The following SLC6A16 variants were observed in gnomAD, a reference collection of about 807,000 sequenced individuals.
SLC6A16 encodes the protein solute carrier family 6 member 16, also known as orphan sodium- and chloride-dependent neurotransmitter transporter NTT5.
In SLC6A16, 54 loss-of-function variants were observed where a neutral mutation model predicts 65.4. That is an observed-to-expected ratio of 0.83 (90% CI 0.66 to 1.04). SLC6A16 has a LOEUF of 1.04. Among genes scored for constraint, SLC6A16 ranks in the 50% least tolerant of loss-of-function variants. The pLI is 0.00. For synonymous variants in SLC6A16, 330 were observed against 346.5 expected (o/e 0.95, Z 0.53); for missense variants, 816 against 914.0 (o/e 0.89, Z 1.38).
intron 5 of SLC6A16, 93 bp from the exon 6 acceptor site, chr19:49,309,504 A>G: frequency 3.1e-6 from 4 of 1,269,928 alleles, no homozygotes; most frequent in Admixed American, 1.9e-5. Flanking sequence ...AGAAATGAGT[A>G]GGAGTTAGAA....
At chr19:49,327,079 ATT>A (rs200482962), upstream of SLC6A16, among the ~76,000 whole-genome samples, 3 of 145,012 alleles carry the variant, frequency 2.1e-5, no homozygotes, top group African/African-American at 2.5e-5. Flanking sequence ...TTTCTATCGA[ATT>A]TTTTTTTTTT....
At chr19:49,338,966 C>A in the SLC6A16 span, 2 of 1,548,632 alleles carry the variant, frequency 1.3e-6, no homozygotes, top group East Asian at 4.5e-5. This position sits in a 1 kb window ranked among gnomAD's most constrained non-coding sequence, Gnocchi z 5.0. Context: ...ATAAACCTGT[C>A]GAATGGGGCG....
rs1342925612 is a variant in SLC6A16 at position 49,292,669 on chromosome 19, G to C, written c.1778+554C>G. On this transcript the variant is annotated intron_variant, in intron 10 of 11. Transcript: ENST00000335875. This position sits in a 1 kb window ranked among gnomAD's most constrained non-coding sequence, Gnocchi z 4.3. The stretch of plus-strand genomic sequence containing the variant: ...CTATTCCAGCCTCTCTGACTTCCTT[G>C]TTTCTCAAAAACTCTAGGCATTATG... Among the ~76,000 whole-genome samples the C allele has an allele frequency of 6.6e-6, 1 of 152,102 alleles. No homozygotes were observed. The highest frequency in any genetic ancestry group is 1.5e-5 in the Non-Finnish European group (1 of 68,026).
At position 49,312,494 on chromosome 19, in the gene SLC6A16, C is replaced by G. The variant is rs373715181; in HGVS notation, c.-64-1083G>C. On this transcript the variant is annotated intron_variant, in intron 1 of 11. Coordinates refer to ENST00000335875, the MANE Select transcript of SLC6A16 (RefSeq NM_014037.3). ...TCTCTGCCTACTGCTCTATCTCCAG[C>G]AAAAGGATGGTGTTCTACCTCACAT... 15 of 914,666 alleles carry G rather than the reference C, an allele frequency of 1.6e-5. No individual in the cohort carries two copies. The South Asian group carries it at 6.6e-4, about 40-fold the overall frequency. 56.7% of individuals were successfully genotyped at this position (914,666 alleles called of 1,614,324 possible).
At chr19:49,305,031 TC>T (rs1427759235) in intron 7 of SLC6A16, among the ~76,000 whole-genome samples, 4 of 152,206 alleles carry the variant, frequency 2.6e-5, no homozygotes, top group Non-Finnish European at 4.4e-5. Flanking sequence ...ATTTTGGAGC[TC>T]CTCCAATTAA....
At chr19:49,330,946 C>CA in the SLC6A16 span, among the ~76,000 whole-genome samples, 962 of 140,544 alleles carry the variant, frequency 6.8e-3, 9 homozygotes, top group African/African-American at 0.019. Flanking sequence ...AAAAAAAACA[C>CA]AAAAAAAAAA....
chr19:49,329,873 T>G (rs1277703962), upstream of SLC6A16, among the ~76,000 whole-genome samples: 1 of 152,058 alleles, frequency 6.6e-6, no homozygotes, highest in African/African-American at 2.4e-5. Flanking sequence ...GAACTCGTGA[T>G]CCGCCCGCCT....
intron 7 of SLC6A16, among the ~76,000 whole-genome samples, chr19:49,297,122 C>T (rs563660943): frequency 7.2e-5 from 11 of 152,200 alleles, no homozygotes; most frequent in Admixed American, 1.3e-4. Context: ...GCTTCATTAA[C>T]GAAAGACAAA....
At chr19:49,337,120 G>A in the SLC6A16 span, 1 of 1,614,134 alleles carries the variant, frequency 6.2e-7, no homozygotes, top group Non-Finnish European at 8.5e-7. Flanking sequence ...GGGGTGGTCA[G>A]CCTGATCTCT....
At position 49,310,028 on chromosome 19, in the gene SLC6A16, C is replaced by T. The variant is rs1970481939; in HGVS notation, c.700+12G>A. On this transcript the variant is annotated intron_variant, in intron 4 of 11. Transcript: ENST00000335875. ...ATTTTTCCCTTCTCCTCTTCTTTCA[C>T]TTCCTCCTCACCAAAGCCACTAGAG... The T allele has an allele frequency of 6.2e-7, 1 of 1,613,166 alleles. No individual in the cohort carries two copies. The highest frequency in any genetic ancestry group is 8.5e-7 in the Non-Finnish European group (1 of 1,179,420).
intron 5 of SLC6A16, 75 bp downstream of exon 5, chr19:49,309,576 A>C (rs2146127946): frequency 7.0e-7 from 1 of 1,419,076 alleles, no homozygotes; most frequent in African/African-American, 1.4e-5. Flanking sequence ...AGAGATTAGG[A>C]GATCAACAAG....
At chr19:49,331,809 G>A in the SLC6A16 span, 1 of 457,228 alleles carries the variant, frequency 2.2e-6, no homozygotes, top group Admixed American at 2.3e-5. Context: ...AAGGAGACCT[G>A]GGAAATGAAG....
the SLC6A16 span, chr19:49,331,642 G>C: frequency 2.4e-6 from 1 of 409,678 alleles, no homozygotes; most frequent in Non-Finnish European, 5.0e-6. Flanking sequence ...CTTTATGTAA[G>C]TCCAAGGATA....
At chr19:49,308,540 C>T (rs1308210257) in intron 7 of SLC6A16, among the ~76,000 whole-genome samples, 1 of 152,080 alleles carries the variant, frequency 6.6e-6, no homozygotes, top group East Asian at 1.9e-4. Flanking sequence ...GTGGTATGGT[C>T]TTGGATGGTA....
At position 49,290,358 on chromosome 19, in the gene SLC6A16, G is replaced by T. The variant is rs1400934792; in HGVS notation, c.1976C>A (p.Ala659Glu). Reference protein sequence around the residue: ...KEVLRPYPPWALLLMITLFAI... With the variant: ...KEVLRPYPPWELLLMITLFAI... Reference sequence around the variant, plus strand: ...AAAAAGGGTGATCATCAAGAGCAGTGCCCACGGTGGGTATGGTCGAAGCAC... The same window carrying T: ...AAAAAGGGTGATCATCAAGAGCAGTTCCCACGGTGGGTATGGTCGAAGCAC... Residue 659 changes from alanine (A) to glutamate (E), a missense_variant, in exon 12 of 12, where the codon GCA becomes GAA. By Grantham distance (107) the Ala-to-Glu change is moderately radical. Coordinates refer to ENST00000335875, the MANE Select transcript of SLC6A16 (RefSeq NM_014037.3). 6.2e-7 allele frequency: 1 copy of T among 1,613,932 alleles called. No homozygotes were observed. Among genetic ancestry groups the T allele is most frequent in the Admixed American group, 1.7e-5 (1 of 60,006 alleles).
At position 49,290,354 on chromosome 19, in the gene SLC6A16, C is replaced by T. The variant is rs372997583; in HGVS notation, c.1980G>A (p.Leu660=). ...TGGCAAAAAGGGTGATCATCAAGAG[C>T]AGTGCCCACGGTGGGTATGGTCGAA... is the stretch of plus-strand genomic sequence containing the variant. The part of the protein sequence containing the change: ...EVLRPYPPWA[L]LLMITLFAIV... The change falls in exon 12 of 12, where the codon CTG becomes CTA. Residue 660 remains leucine (L), a synonymous_variant. Coordinates refer to ENST00000335875, the MANE Select transcript of SLC6A16 (RefSeq NM_014037.3). 4 of 1,613,882 alleles carry T rather than the reference C, an allele frequency of 2.5e-6. No individual in the cohort carries two copies. The African/African-American group carries it at 4.0e-5, about 16-fold the overall frequency.
intron 6 of SLC6A16, 47 bp downstream of exon 6, chr19:49,309,254 G>A (rs1157458110): frequency 6.4e-7 from 1 of 1,572,016 alleles, no homozygotes; most frequent in African/African-American, 1.4e-5. Flanking sequence ...ATAGGCAGCT[G>A]TGGTGCCCTA....
chr19:49,322,817 CTTTTTTTTTTTTTTTTTTTTTTTTT>C (rs536909742), intron 1 of SLC6A16, among the ~76,000 whole-genome samples: 132 of 41,998 alleles, frequency 3.1e-3, no homozygotes, highest in African/African-American at 9.3e-3. Flanking sequence ...GAATTAGTAG[CTTTTTTTTTTTTTTTTTTTTTTTTT>C]TTTTTTTTTT....
chr19:49,337,345 A>G, the SLC6A16 span: 1 of 967,288 alleles, frequency 1.0e-6, no homozygotes, highest in Non-Finnish European at 1.6e-6. Flanking sequence ...AAGAGAAATA[A>G]GAGGCTGGGC....
Sources: gnomAD v4.1 joint callset for allele counts (sites outside exome capture counted in the v4.1 genomes callset) on GRCh38, gnomAD v4.1.1 for gene constraint, Gnocchi (gnomAD v3.1) non-coding constraint, MANE v1.5 for transcripts, NCBI Gene and HGNC (gene_info 2026-07-23, HGNC 2026-07-21) for gene names.